CLGN: variants seen among roughly 807,000 people sequenced by gnomAD.
CLGN encodes the protein testis tissue sperm-binding protein Li 79P.
A neutral mutation model predicts 79.1 loss-of-function variants in CLGN; 62 were observed. That is an observed-to-expected ratio of 0.78 (90% confidence interval 0.64 to 0.97). The LOEUF is 0.97. CLGN is among the 50% of genes least tolerant of loss of function. The pLI is 0.00. For missense variants in CLGN, 647 were observed against 715.5 expected (o/e 0.90, Z 1.09); for synonymous variants, 225 against 224.7 (o/e 1.00, Z -0.01).
Position 140,396,112 on chromosome 4 carries a change from A to C in CLGN, c.978T>G (p.Asn326Lys), listed in dbSNP as rs765407381. The change falls in exon 9 of 15, where the codon AAT becomes AAG. Residue 326 changes from asparagine (N) to lysine (K), a missense_variant. By Grantham distance (94) the Asn-to-Lys change is moderately conservative (BLOSUM62 0). Coordinates refer to ENST00000325617, the MANE Select transcript of CLGN (RefSeq NM_004362.3). Reference protein sequence around the residue: ...DDEPKFIPDPNAEKPDDWNED... With the variant: ...DDEPKFIPDPKAEKPDDWNED... The stretch of plus-strand genomic sequence containing the variant: ...CTTACCAGTCATCAGGTTTTTCAGC[A>C]TTAGGATCAGGGATAAATTTTGGTT... 4.3e-6 allele frequency: 7 copies of C among 1,614,156 alleles called. No homozygotes were observed. The South Asian group carries it at 7.7e-5, about 18-fold the overall frequency.
chr4:140,425,622 CTTTTTTTT>C lies in CLGN; in HGVS notation c.-10+1907_-10+1914del, dbSNP rs60198755. Among the ~76,000 whole-genome samples, 886 of 97,186 alleles carry C rather than the reference CTTTTTTTT, an allele frequency of 9.1e-3. 25 individuals are homozygous for C. The East Asian group carries it at 0.18, about 20-fold the overall frequency. 63.8% of individuals were successfully genotyped at this position (97,186 alleles called of 152,430 possible). ...TTTCTGTGACACATTTTTGTAATTCCTTTTTTTTTTTTTTTTTTTTTTTTGAGATGGAG... is the reference window on the plus strand; with the variant it reads ...TTTCTGTGACACATTTTTGTAATTCCTTTTTTTTTTTTTTTTGAGATGGAG... On this transcript the variant is annotated intron_variant, in intron 1 of 14. Transcript: ENST00000325617.
intron 1 of CLGN, among the ~76,000 whole-genome samples, chr4:140,425,543 C>A (rs1171385916): frequency 4.0e-5 from 6 of 150,932 alleles, no homozygotes; most frequent in Non-Finnish European, 7.4e-5. Flanking sequence ...TCTGGCAACA[C>A]TGCATTGAAC....
rs1729103417 is a variant in CLGN at position 140,406,168 on chromosome 4, T to G, written c.278-85A>C. ...TATCAGCAGTTGTGAACAATAATTT[T>G]TATCCAGGAAGCCTGACTTGGGAAA... is the stretch of plus-strand genomic sequence containing the variant. On this transcript the variant is annotated intron_variant, in intron 4 of 14. Transcript: ENST00000325617. 2.2e-6 allele frequency: 3 copies of G among 1,347,366 alleles called. No homozygotes were observed. In the South Asian group the frequency reaches 4.0e-5, roughly 18 times the overall value. The allele number at this position is 1,347,366 out of a possible 1,614,324, so 83.5% of individuals were successfully genotyped here. A position where few individuals can be genotyped will look rare whatever the true frequency, so the allele number is the denominator to read the frequency against.
intron 11 of CLGN, 88 bp from the exon 12 acceptor site, chr4:140,392,799 G>A (rs1003714928): frequency 1.4e-5 from 18 of 1,266,488 alleles, no homozygotes; most frequent in Admixed American, 8.4e-5. Flanking sequence ...TATTTACTCA[G>A]GCATTTTACA....
At chr4:140,421,425 G>A (rs76340793) in intron 1 of CLGN, among the ~76,000 whole-genome samples, 3 of 151,796 alleles carry the variant, frequency 2.0e-5, no homozygotes, top group Non-Finnish European at 4.4e-5. Context: ...AAGGCACAAG[G>A]GTTCCAATTT....
intron 12 of CLGN, 99 bp downstream of exon 12, chr4:140,392,487 A>C: frequency 6.1e-6 from 9 of 1,485,866 alleles, no homozygotes; most frequent in Non-Finnish European, 8.1e-6. Flanking sequence ...AACTTATGAG[A>C]CATTTAGTTT....
chr4:140,407,624 A>G (rs547885345), intron 4 of CLGN, among the ~76,000 whole-genome samples: 1 of 151,852 alleles, frequency 6.6e-6, no homozygotes, highest in East Asian at 1.9e-4. Flanking sequence ...TATTCTTAAC[A>G]GAGGTGAAAG....
chr4:140,399,115 A>T (rs943153314), intron 7 of CLGN, 75 bp from the exon 8 acceptor site: 26 of 1,215,316 alleles, frequency 2.1e-5, no homozygotes, highest in African/African-American at 4.7e-5. Context: ...AAATAATGTA[A>T]CTACCCTTAA....
chr4:140,406,735 A>G (rs1437717250), intron 4 of CLGN, among the ~76,000 whole-genome samples: 2 of 152,248 alleles, frequency 1.3e-5, no homozygotes, highest in African/African-American at 4.8e-5. Context: ...TGTTAAGATC[A>G]GGACATTCCT....
chr4:140,404,238 C>T (rs533876954), intron 5 of CLGN, among the ~76,000 whole-genome samples: 110 of 151,972 alleles, frequency 7.2e-4, no homozygotes, highest in African/African-American at 2.0e-3. Flanking sequence ...GGGCTACAGG[C>T]GCCTGCCACC....
intron 1 of CLGN, 89 bp from the exon 2 acceptor site, chr4:140,413,176 T>C: frequency 1.1e-6 from 1 of 945,796 alleles, no homozygotes; most frequent in Non-Finnish European, 1.6e-6. Flanking sequence ...TTCTCCATAA[T>C]AGCTCCTTTA....
chr4:140,390,644 G>C lies in CLGN; in HGVS notation c.1736C>G (p.Ser579Cys). The C allele has an allele frequency of 6.3e-7, 1 of 1,594,538 alleles. No individual in the cohort carries two copies. The highest frequency in any genetic ancestry group is 1.3e-5 in the African/African-American group (1 of 74,166). ...GQEESNQSNK[S>C]GSEDEMKEAD... is the part of the protein sequence containing the mutation. Reference sequence around the variant, plus strand: ...TTCTGTTACCTCATCCTCTGACCCAGACTTATTTGATTGATTACTTTCTTC... The same window carrying C: ...TTCTGTTACCTCATCCTCTGACCCACACTTATTTGATTGATTACTTTCTTC... Residue 579 changes from serine to cysteine, a missense_variant, in exon 14 of 15, where the codon TCT becomes TGT. Coordinates refer to ENST00000325617, the MANE Select transcript of CLGN (RefSeq NM_004362.3).
chr4:140,414,498 T>G (rs1302998704), intron 1 of CLGN, among the ~76,000 whole-genome samples: 1 of 150,954 alleles, frequency 6.6e-6, no homozygotes, highest in Non-Finnish European at 1.5e-5. Flanking sequence ...TACAGAGAAG[T>G]GCTTAAAGGA....
intron 14 of CLGN, among the ~76,000 whole-genome samples, chr4:140,390,213 A>G (rs1009155422): frequency 4.0e-5 from 6 of 151,826 alleles, no homozygotes; most frequent in African/African-American, 1.4e-4. Context: ...CAACTACCCA[A>G]TGAATGAAAT....
At chr4:140,390,266 T>C (rs1379286643) in intron 14 of CLGN, among the ~76,000 whole-genome samples, 2 of 151,738 alleles carry the variant, frequency 1.3e-5, no homozygotes, top group African/African-American at 4.8e-5. Flanking sequence ...ATAAAGATGT[T>C]TTACAACAGC....
intron 7 of CLGN, among the ~76,000 whole-genome samples, chr4:140,400,125 G>C (rs1046341740): frequency 2.0e-5 from 3 of 152,096 alleles, no homozygotes; most frequent in Non-Finnish European, 4.4e-5. Flanking sequence ...TTTGTTCCAA[G>C]TCTCTAAGCT....
Position 140,409,894 on chromosome 4 carries a change from A to G in CLGN, c.220T>C (p.Trp74Arg), listed in dbSNP as rs1729179467. The G allele has an allele frequency of 6.3e-7, 1 of 1,595,136 alleles. No individual in the cohort carries two copies. The highest frequency in any genetic ancestry group is 1.1e-5 in the South Asian group (1 of 89,234). ...ETFDSGRLAG[W>R]VLSKAKKDDM... is the part of the protein sequence containing the mutation. ...TCTTTCTTTGCTTTTGATAAGACCCATCTGTAAATAAAGTTGAACATACAT... is the reference window on the plus strand; with the variant it reads ...TCTTTCTTTGCTTTTGATAAGACCCGTCTGTAAATAAAGTTGAACATACAT... Residue 74 changes from tryptophan to arginine, a missense_variant and splice_region_variant, in exon 4 of 15, where the codon TGG becomes CGG. Coordinates refer to ENST00000325617, the MANE Select transcript of CLGN (RefSeq NM_004362.3).
At chr4:140,417,749 T>C (rs1249099732) in intron 1 of CLGN, among the ~76,000 whole-genome samples, 1 of 151,308 alleles carries the variant, frequency 6.6e-6, no homozygotes, top group Non-Finnish European at 1.5e-5. Flanking sequence ...GTAGGAAGAA[T>C]CAATATCGTG....
At chr4:140,398,398 T>A (rs1435469966) in intron 8 of CLGN, among the ~76,000 whole-genome samples, 3 of 150,908 alleles carry the variant, frequency 2.0e-5, no homozygotes, top group Admixed American at 6.7e-5. Flanking sequence ...GCCTCCCGAG[T>A]AGCTGGGATT....
Sources: gnomAD v4.1 joint callset for allele counts (sites outside exome capture counted in the v4.1 genomes callset) on GRCh38, gnomAD v4.1.1 for gene constraint, MANE v1.5 for transcripts, NCBI Gene and HGNC (gene_info 2026-07-23, HGNC 2026-07-21) for gene names.